NEB: variants seen among roughly 807,000 people sequenced by gnomAD.
The protein encoded by NEB is nebulin, also known as nemaline myopathy type 2.
NEB carries 512 observed loss-of-function variants against 952.2 expected under a neutral mutation model. The ratio of observed to expected loss-of-function variants is 0.54; its 90% CI spans 0.50 to 0.58. The LOEUF is 0.58. Ranked by LOEUF, NEB falls within the 20% of genes least tolerant of loss-of-function variation. The pLI is 0.00. For synonymous variants in NEB, 2,900 were observed against 3,149.8 expected (o/e 0.92, Z 2.66); for missense variants, 8,428 against 9,231.1 (o/e 0.91, Z 3.56).
chr2:151,699,433 G>A (rs2099628133), intron 13 of NEB, among the ~76,000 whole-genome samples: 3 of 42,032 alleles, frequency 7.1e-5, no homozygotes, highest in Non-Finnish European at 1.3e-4. Flanking sequence ...CTGAGGAATC[G>A]CCACACTGAC....
At chr2:151,730,697 C>G (rs1455630135) in intron 3 of NEB, among the ~76,000 whole-genome samples, 1 of 150,804 alleles carries the variant, frequency 6.6e-6, no homozygotes, top group Non-Finnish European at 1.5e-5. Flanking sequence ...ATACAGCACT[C>G]AAGGGAAGGG....
In NEB at chr2:151,669,942, T is replaced by C. The variant is rs942244471; in HGVS notation, c.4507-811A>G. On this transcript the variant is annotated intron_variant, in intron 38 of 181. Transcript: ENST00000397345. ...GAGAGCAGACTGGCTGAGAGATATT[T>C]AGGAAGCTGACTCAGCAGAGGTACT... 3.3e-5 allele frequency among the ~76,000 whole-genome samples: 5 copies of C among 152,086 alleles called. No homozygotes were observed. In the South Asian group the frequency reaches 8.3e-4, roughly 25 times the overall value.
In NEB at chr2:151,617,474, A is replaced by G. The variant is rs1573838465; in HGVS notation, c.11077-6T>C. Reference sequence around the variant, plus strand: ...CAGGCTTCAGTATATAAGCGCTACAAAAAAAAAAAAAAAAGAGAGAGAGAG... The same window carrying G: ...CAGGCTTCAGTATATAAGCGCTACAGAAAAAAAAAAAAAAGAGAGAGAGAG... On this transcript the variant is annotated splice_polypyrimidine_tract_variant and splice_region_variant and intron_variant, in intron 74 of 181. Transcript: ENST00000397345. 11 of 723,252 alleles carry G rather than the reference A, an allele frequency of 1.5e-5. No homozygotes were observed. The highest frequency in any genetic ancestry group is 2.0e-5 in the Non-Finnish European group (10 of 506,070). The allele number at this position is 723,252 out of a possible 1,614,324, so 44.8% of individuals were successfully genotyped here.
intron 161 of NEB, among the ~76,000 whole-genome samples, chr2:151,512,019 CTTTTTTTTTTTTTTT>C (rs71403173): frequency 1.1e-5 from 1 of 93,568 alleles, no homozygotes; most frequent in South Asian, 3.7e-4. Context: ...CCCTCTCACT[CTTTTTTTTTTTTTTT>C]TTTTTTTTTT....
Position 151,671,225 on chromosome 2 carries a change from A to G in NEB, c.4304T>C (p.Val1435Ala), listed in dbSNP as rs769230101. Residue 1435 changes from valine (V) to alanine (A), a missense_variant, in exon 38 of 182, where the codon GTG (valine) becomes GCG (alanine). This residue lies in a region of NEB where 2,851 missense variants were observed against 2,791.5 expected (regional missense o/e 1.02). Coordinates refer to ENST00000397345, the MANE Select transcript of NEB (RefSeq NM_001164508.2). ...RNVNQIQSDN[V>A]YKDEYNSFLK... ...GAAGCTGTTATACTCGTCTTTATACACATTCTGTAAAAGGGTAAGCTAATA... is the reference window on the plus strand; with the variant it reads ...GAAGCTGTTATACTCGTCTTTATACGCATTCTGTAAAAGGGTAAGCTAATA... The G allele has an allele frequency of 1.2e-6, 2 of 1,611,716 alleles. No individual in the cohort carries two copies. The highest frequency in any genetic ancestry group is 2.2e-5 in the East Asian group (1 of 44,874).
chr2:151,558,437 T>C (rs1195868046), intron 124 of NEB, among the ~76,000 whole-genome samples: 1 of 152,234 alleles, frequency 6.6e-6, no homozygotes, highest in Non-Finnish European at 1.5e-5. Flanking sequence ...ATAGCCATAC[T>C]GCCCAAGGTA....
At chr2:151,680,114 C>T (rs1211203398) in intron 30 of NEB, 92 bp from the exon 31 acceptor site, 3 of 970,024 alleles carry the variant, frequency 3.1e-6, no homozygotes, top group Non-Finnish European at 3.2e-6. Flanking sequence ...TCATATTTCA[C>T]AGAGGTGGTT....
intron 158 of NEB, 57 bp from the exon 159 acceptor site, chr2:151,514,485 A>C: frequency 7.6e-7 from 1 of 1,318,102 alleles, no homozygotes; most frequent in Non-Finnish European, 1.1e-6. Context: ...TGATTCTCTC[A>C]GGCAAAGAAG....
Position 151,611,016 on chromosome 2 carries a change from G to A in NEB, c.11806-150C>T, listed in dbSNP as rs1277326278. On this transcript the variant is annotated intron_variant, in intron 78 of 181. Coordinates refer to ENST00000397345, the MANE Select transcript of NEB (RefSeq NM_001164508.2). ...CTAATGCTTTTGGGAGGTGAGGGAA[G>A]CAAAAGAGTCATGGGGAAAGTAAAA... The A allele has an allele frequency of 1.3e-5, 7 of 541,024 alleles. No homozygotes were observed. The Admixed American group carries it at 1.7e-4, about 13-fold the overall frequency. The allele number at this position is 541,024 out of a possible 1,614,324, so 33.5% of individuals were successfully genotyped here. A position where few individuals can be genotyped will look rare whatever the true frequency, so the allele number is the denominator to read the frequency against.
intron 173 of NEB, chr2:151,494,890 C>T (rs1003921888): frequency 3.9e-5 from 6 of 152,722 alleles, no homozygotes; most frequent in South Asian, 2.1e-4. Flanking sequence ...CCTTGTGATC[C>T]GCCCACCTTG....
intron 181 of NEB, chr2:151,486,748 T>G (rs1442032350): frequency 6.6e-6 from 1 of 152,224 alleles, no homozygotes; most frequent in South Asian, 2.1e-4. Context: ...AAGGACGCCA[T>G]GCACCAAGGT....
At chr2:151,557,880 G>A (rs1260873934) in intron 124 of NEB, among the ~76,000 whole-genome samples, 1 of 152,136 alleles carries the variant, frequency 6.6e-6, no homozygotes, top group Non-Finnish European at 1.5e-5. Flanking sequence ...AAAATAGTAA[G>A]AGCTATTTAT....
At position 151,554,987 on chromosome 2, in the gene NEB, C is replaced by G. The variant is rs774608228; in HGVS notation, c.19372G>C (p.Val6458Leu). ...CGTGCTGTGTTCGGATCATCGTCAA[C>G]ACTTCTTGGTAACGTATAAAGAGCT... ...FKALYTLPRS[V>L]DDDPNTARCL... The change falls in exon 125 of 182, where the codon GTT (valine) becomes CTT (leucine). Residue 6458 changes from valine (V) to leucine (L), a missense_variant. This residue lies in a region of NEB where 3,374 missense variants were observed against 3,651.5 expected (regional missense o/e 0.92). Coordinates refer to ENST00000397345, the MANE Select transcript of NEB (RefSeq NM_001164508.2). 4.8e-5 allele frequency: 77 copies of G among 1,613,774 alleles called. No individual in the cohort carries two copies. Among genetic ancestry groups the G allele is most frequent in the Non-Finnish European group, 6.3e-5 (74 of 1,179,800 alleles).
At chr2:151,631,121 G>C (rs751098420) in intron 66 of NEB, 22 bp downstream of exon 66, 6 of 1,612,746 alleles carry the variant, frequency 3.7e-6, no homozygotes, top group Non-Finnish European at 5.1e-6. Flanking sequence ...TCTTGGAGAA[G>C]CTTAAGGCAG....
Position 151,567,376 on chromosome 2 carries a change from A to C in NEB, c.17948T>G (p.Ile5983Ser). 12 of 1,613,794 alleles carry C rather than the reference A, an allele frequency of 7.4e-6. No homozygotes were observed. The highest frequency in any genetic ancestry group is 1.0e-5 in the Non-Finnish European group (12 of 1,179,824). Residue 5983 changes from isoleucine (I) to serine (S), a missense_variant, in exon 114 of 182, where the codon ATT becomes AGT. Coordinates refer to ENST00000397345, the MANE Select transcript of NEB (RefSeq NM_001164508.2). ...CTCTTTGTATAGTCTCTCATTCTGA[A>C]TCTGGCCTGCATGCTCAAACCAAAC... ...KLVWFEHAGQ[I>S]QNERLYKEDY...
rs1345567872 is a variant in NEB, at chr2:151,524,320, C to G, written c.22470G>C (p.Leu7490=). The change falls in exon 153 of 182, where the codon CTG becomes CTC. Residue 7490 remains leucine, a synonymous_variant. Transcript: ENST00000397345. Reference sequence around the variant, plus strand: ...CACCCATCTGCATTACCTGGCTGCTCAGCTTGGCTGCCTTCTTGGCCATTT... The same window carrying G: ...CACCCATCTGCATTACCTGGCTGCTGAGCTTGGCTGCCTTCTTGGCCATTT... The part of the protein sequence containing the change: ...DIEMAKKAAK[L]SSQVKYRENF... 1.2e-6 allele frequency: 2 copies of G among 1,613,780 alleles called. No individual in the cohort carries two copies.
chr2:151,638,815 G>C (rs960725806), intron 63 of NEB, among the ~76,000 whole-genome samples: 10 of 146,604 alleles, frequency 6.8e-5, no homozygotes, highest in South Asian at 4.2e-4. Flanking sequence ...CTCTGTGTGT[G>C]TGTGTGTGTG....
At chr2:151,487,128 A>G (rs1483986063) in intron 181 of NEB, among the ~76,000 whole-genome samples, 1 of 152,168 alleles carries the variant, frequency 6.6e-6, no homozygotes, top group African/African-American at 2.4e-5. Flanking sequence ...GCCTTTTTCT[A>G]CCTTTCGAAG....
At chr2:151,492,318 GGT>G in intron 177 of NEB, 37 bp from the exon 178 acceptor site, 1 of 1,599,912 alleles carries the variant, frequency 6.3e-7, no homozygotes, top group Non-Finnish European at 8.5e-7. Flanking sequence ...AAAATATGAT[GGT>G]GTGACTATAT....
Sources: allele counts gnomAD v4.1 joint callset (sites outside exome capture counted in the v4.1 genomes callset), GRCh38; gene constraint gnomAD v4.1.1; regional missense constraint gnomAD v4.1.1; transcripts MANE v1.5; gene names NCBI Gene and HGNC (gene_info 2026-07-23, HGNC 2026-07-21).